Variants in ATP13A5 observed in about 807,000 individuals in gnomAD.
ATP13A5 encodes the protein probable cation-transporting ATPase 13A5.
Under a neutral mutation model 150.2 loss-of-function variants are expected in ATP13A5, and 149 were observed. That is an observed-to-expected ratio of 0.99 (90% CI 0.87 to 1.14). The LOEUF (loss-of-function observed/expected upper bound fraction) is 1.14, where lower values mean the gene tolerates loss of function less well. Ranked by LOEUF, ATP13A5 falls within the 50% of genes most tolerant of loss-of-function variation. The probability of loss-of-function intolerance (pLI) is 0.00; values close to 1 mark genes in which losing one functional copy is unlikely to be tolerated. For missense variants in ATP13A5, 1,383 were observed against 1,449.3 expected, an observed-to-expected ratio of 0.95 and a Z score of 0.74; for synonymous variants, 497 against 522.2, an observed-to-expected ratio of 0.95 and a Z score of 0.66.
intron 1 of ATP13A5, among the ~76,000 whole-genome samples, chr3:193,378,013 T>C (rs1053852354): frequency 1.3e-5 from 2 of 152,180 alleles, no homozygotes; most frequent in African/African-American, 2.4e-5. Context: ...AAATCATAAA[T>C]ATAAACACCT....
In ATP13A5 at chr3:193,374,640, G is replaced by GACAC. The variant is rs113705500; in HGVS notation, c.63+4019_63+4022dup. On this transcript the variant is annotated intron_variant, in intron 1 of 29. Transcript: ENST00000342358. Reference sequence around the variant, plus strand: ...AGCCTGTGTGGCAGAGTAAGACCATGACACACACACACACACACACACACA... The same window carrying GACAC: ...AGCCTGTGTGGCAGAGTAAGACCATGACACACACACACACACACACACACACACA... Among the ~76,000 whole-genome samples, 725 of 93,208 alleles carry GACAC rather than the reference G, an allele frequency of 7.8e-3. 2 individuals carry two copies. The highest frequency in any genetic ancestry group is 0.011 in the Non-Finnish European group (461 of 42,320). 61.1% of individuals were successfully genotyped at this position (93,208 alleles called of 152,430 possible).
chr3:193,356,137 T>C (rs1015431081), intron 5 of ATP13A5, among the ~76,000 whole-genome samples: 1 of 152,212 alleles, frequency 6.6e-6, no homozygotes, highest in Non-Finnish European at 1.5e-5. Context: ...TACTGGGCTT[T>C]CCCTAACAAT....
chr3:193,275,954 C>T lies in ATP13A5; in HGVS notation c.3397-652G>A, dbSNP rs893819475. On this transcript the variant is annotated intron_variant, in intron 29 of 29. Coordinates refer to ENST00000342358, the MANE Select transcript of ATP13A5 (RefSeq NM_198505.4). Reference sequence around the variant, plus strand: ...TTTAGTGACTAGCATTTCCTCAAATCGCTGTATAGCTATTTAAACAAACAG... The same window carrying T: ...TTTAGTGACTAGCATTTCCTCAAATTGCTGTATAGCTATTTAAACAAACAG... Among the ~76,000 whole-genome samples the T allele has an allele frequency of 3.9e-5, 6 of 152,050 alleles. No individual in the cohort carries two copies. In the East Asian group the frequency reaches 7.7e-4, roughly 20 times the overall value.
At chr3:193,369,294 TAA>T (rs561747136) in intron 1 of ATP13A5, among the ~76,000 whole-genome samples, 85 of 151,926 alleles carry the variant, frequency 5.6e-4, no homozygotes, top group Non-Finnish European at 1.1e-3. Context: ...TAAAGAAAAT[TAA>T]AAGTTTCAGT....
At chr3:193,307,088 T>G in intron 22 of ATP13A5, 1 of 984,510 alleles carries the variant, frequency 1.0e-6, no homozygotes, top group Non-Finnish European at 1.2e-6. Context: ...AATATGGGAG[T>G]CTAAGTAGCC....
rs1022668148 is a variant in ATP13A5, at chr3:193,326,279, C to T, written c.1523+717G>A. On this transcript the variant is annotated intron_variant, in intron 13 of 29. Transcript: ENST00000342358. ...AGGAGCTAGAAGCCACAGGGAGATA[C>T]CATGAGGAGATTCACCCTCCAGGGG... Among the ~76,000 whole-genome samples, 9 of 152,212 alleles carry T rather than the reference C, an allele frequency of 5.9e-5. No homozygotes were observed. The South Asian group carries it at 1.9e-3, about 32-fold the overall frequency.
In ATP13A5 at chr3:193,275,141, G is replaced by C. The variant is rs201331139; in HGVS notation, c.3558C>G (p.Phe1186Leu). ...TDYSGDGKNG[F>L]YINGGYESHE... ...GGCTTTCATAGCCTCCGTTGATGTA[G>C]AATCCATTTTTGCCATCACCTGAAT... The change falls in exon 30 of 30, where the codon TTC (phenylalanine) becomes TTG (leucine). Residue 1186 changes from phenylalanine (F) to leucine (L), a missense_variant. Around this residue, in one of 3 missense-constraint regions of ATP13A5, gnomAD observed 568 missense variants for 621.5 expected, o/e 0.91. Coordinates refer to ENST00000342358, the MANE Select transcript of ATP13A5 (RefSeq NM_198505.4). 51 of 1,614,164 alleles carry C rather than the reference G, an allele frequency of 3.2e-5. No individual in the cohort carries two copies. The highest frequency in any genetic ancestry group is 3.3e-4 in the Middle Eastern group (2 of 6,062).
At chr3:193,301,398 A>G in intron 23 of ATP13A5, 91 bp from the exon 24 acceptor site, 1 of 913,502 alleles carries the variant, frequency 1.1e-6, no homozygotes. Context: ...TATTTTTAGT[A>G]GCCTGTTGAC....
At chr3:193,356,327 A>T (rs1018847044) in intron 5 of ATP13A5, among the ~76,000 whole-genome samples, 2 of 152,172 alleles carry the variant, frequency 1.3e-5, no homozygotes, top group African/African-American at 4.8e-5. Flanking sequence ...TCCAGAGGAC[A>T]TCGATACATT....
chr3:193,322,778 A>G (rs1009419151), intron 14 of ATP13A5, among the ~76,000 whole-genome samples: 2 of 152,232 alleles, frequency 1.3e-5, no homozygotes, highest in Non-Finnish European at 2.9e-5. Flanking sequence ...TCAAAAGCCA[A>G]AAATATTGTG....
chr3:193,318,577 A>T (rs1296246657), intron 17 of ATP13A5, among the ~76,000 whole-genome samples: 1 of 152,172 alleles, frequency 6.6e-6, no homozygotes, highest in Non-Finnish European at 1.5e-5. Context: ...AGTATTCTCA[A>T]AATCTTTCAA....
At position 193,325,003 on chromosome 3, in the gene ATP13A5, G is replaced by A; in HGVS notation, c.1535C>T (p.Ala512Val). The A allele has an allele frequency of 2.5e-6, 4 of 1,611,078 alleles. No individual in the cohort carries two copies. Among genetic ancestry groups the A allele is most frequent in the African/African-American group, 1.3e-5 (1 of 74,902 alleles). Residue 512 changes from alanine (A) to valine (V), a missense_variant, in exon 14 of 30, where the codon GCC becomes GTC. Ala to Val is a moderately conservative substitution (Grantham distance 64). Around this residue, in one of 3 missense-constraint regions of ATP13A5, gnomAD observed 787 missense variants for 771.9 expected, o/e 1.02. Transcript: ENST00000342358. ...VPTADNCFQE[A>V]HSFASGQAVP... The stretch of plus-strand genomic sequence containing the variant: ...AGCCTGGCCTGAGGCAAAGCTGTGG[G>A]CTTCCTGGAAGCTGGTAGAGAAGGT...
chr3:193,301,215 T>C lies in ATP13A5; in HGVS notation c.2771A>G (p.Tyr924Cys). 6.2e-7 allele frequency: 1 copy of C among 1,610,020 alleles called. No homozygotes were observed. Among genetic ancestry groups the C allele is most frequent in the South Asian group, 1.1e-5 (1 of 90,724 alleles). The change falls in exon 24 of 30, where the codon TAT becomes TGT. Residue 924 changes from tyrosine (Y) to cysteine (C), a missense_variant. By Grantham distance (194) the Tyr-to-Cys change is radical. This residue lies in a region of ATP13A5 where 568 missense variants were observed against 621.5 expected (regional missense o/e 0.91). Transcript: ENST00000342358. ...IIQFISALLL[Y>C]WQLQLFGNYQ... is the part of the protein sequence containing the mutation. The stretch of plus-strand genomic sequence containing the variant: ...CAAAATGATTTTGTTTCATACCCAA[T>C]AGAGCAGTAATGCACTGATAAACTG...
chr3:193,358,682 T>G (rs772055285), intron 5 of ATP13A5, among the ~76,000 whole-genome samples: 2 of 152,216 alleles, frequency 1.3e-5, no homozygotes, highest in Non-Finnish European at 2.9e-5. Flanking sequence ...TGTTTTCAGA[T>G]AGCCTCAGGA....
intron 12 of ATP13A5, 51 bp downstream of exon 12, chr3:193,331,072 C>T (rs1263683609): frequency 1.9e-6 from 3 of 1,558,172 alleles, no homozygotes; most frequent in Non-Finnish European, 2.6e-6. Context: ...CTTCCCAGCT[C>T]CACCATGCCT....
At chr3:193,365,618 T>C (rs1010420202) in intron 1 of ATP13A5, among the ~76,000 whole-genome samples, 3 of 152,132 alleles carry the variant, frequency 2.0e-5, no homozygotes, top group Admixed American at 2.0e-4. Context: ...AAATATACAT[T>C]CTTTTACCGA....
At chr3:193,358,951 G>C (rs1448792677) in intron 5 of ATP13A5, among the ~76,000 whole-genome samples, 1 of 151,956 alleles carries the variant, frequency 6.6e-6, no homozygotes, top group African/African-American at 2.4e-5. Flanking sequence ...AGAGTTAAGT[G>C]GTTTTATACT....
At chr3:193,296,370 A>G (rs1272315675) in intron 25 of ATP13A5, among the ~76,000 whole-genome samples, 1 of 152,094 alleles carries the variant, frequency 6.6e-6, no homozygotes, top group Non-Finnish European at 1.5e-5. Context: ...TGTAAGGTGT[A>G]AGGAAGGGGT....
chr3:193,289,350 T>C (rs1307795201), intron 26 of ATP13A5, among the ~76,000 whole-genome samples: 2 of 152,112 alleles, frequency 1.3e-5, no homozygotes, highest in East Asian at 3.9e-4. Context: ...TTAACATTCA[T>C]TTGGGAAAAA....
Sources: allele counts gnomAD v4.1 joint callset (sites outside exome capture counted in the v4.1 genomes callset), GRCh38; gene constraint gnomAD v4.1.1; regional missense constraint gnomAD v4.1.1; transcripts MANE v1.5; gene names NCBI Gene and HGNC (gene_info 2026-07-23, HGNC 2026-07-21).